Variants in SNTG2 observed in about 807,000 individuals in gnomAD.
The protein encoded by SNTG2 is gamma-2-syntrophin.
Under a neutral mutation model 70.9 loss-of-function variants are expected in SNTG2, and 74 were observed. That is an observed-to-expected ratio of 1.04 (90% CI 0.86 to 1.27). The LOEUF is 1.27. Ranked by LOEUF, SNTG2 falls within the 50% of genes most tolerant of loss-of-function variation. The pLI is 0.00. For synonymous variants in SNTG2, 278 were observed against 273.8 expected, an observed-to-expected ratio of 1.02 and a Z score of -0.15; for missense variants, 717 against 690.7, an observed-to-expected ratio of 1.04 and a Z score of -0.43.
intron 16 of SNTG2, among the ~76,000 whole-genome samples, chr2:1,338,659 A>T (rs988727555): frequency 1.3e-5 from 2 of 152,136 alleles, no homozygotes; most frequent in Non-Finnish European, 2.9e-5. Context: ...TTTTGCTTAG[A>T]GCTTAATGTC....
chr2:1,172,143 T>C (rs1671168140), intron 7 of SNTG2, among the ~76,000 whole-genome samples: 1 of 152,198 alleles, frequency 6.6e-6, no homozygotes, highest in South Asian at 2.1e-4. Flanking sequence ...GTTGTGATGA[T>C]TGATGGCTGG....
chr2:1,195,142 G>A (rs144497495), intron 8 of SNTG2, among the ~76,000 whole-genome samples: 113 of 152,262 alleles, frequency 7.4e-4, no homozygotes, highest in Middle Eastern at 6.8e-3. Context: ...GGGCATTTGG[G>A]TTGGTTCCAA....
intron 4 of SNTG2, among the ~76,000 whole-genome samples, chr2:1,111,446 A>T (rs1410255791): frequency 6.6e-6 from 1 of 152,180 alleles, no homozygotes; most frequent in Admixed American, 6.5e-5. Context: ...GCAGGTGTGC[A>T]GCAGAGAATC....
chr2:1,229,594 G>A (rs987630309), intron 9 of SNTG2, among the ~76,000 whole-genome samples: 5 of 152,236 alleles, frequency 3.3e-5, no homozygotes, highest in South Asian at 2.1e-4. Flanking sequence ...CGCGCCGTGC[G>A]CTCGCATTCC....
chr2:1,069,712 AC>A (rs1469397691), intron 1 of SNTG2, among the ~76,000 whole-genome samples: 1 of 152,086 alleles, frequency 6.6e-6, no homozygotes, highest in African/African-American at 2.4e-5. Context: ...AATCGCTTGA[AC>A]CCAGGAGGCA....
At chr2:1,017,557 A>G (rs1659942391) in intron 1 of SNTG2, among the ~76,000 whole-genome samples, 1 of 152,172 alleles carries the variant, frequency 6.6e-6, no homozygotes, top group African/African-American at 2.4e-5. Context: ...GGACACACAC[A>G]CACATACACA....
chr2:1,279,213 ACT>A (rs1679418498), intron 14 of SNTG2, among the ~76,000 whole-genome samples: 1 of 152,016 alleles, frequency 6.6e-6, no homozygotes, highest in Non-Finnish European at 1.5e-5. Context: ...GATCAGATTG[ACT>A]CTTACAGCGT....
At chr2:1,223,680 G>A (rs1675528785) in intron 9 of SNTG2, among the ~76,000 whole-genome samples, 1 of 152,254 alleles carries the variant, frequency 6.6e-6, no homozygotes, top group African/African-American at 2.4e-5. Context: ...AATCCCCAAA[G>A]AGGGAGGAGC....
intron 14 of SNTG2, among the ~76,000 whole-genome samples, chr2:1,297,941 G>T (rs193192338): frequency 1.2e-3 from 180 of 152,256 alleles, no homozygotes; most frequent in African/African-American, 4.1e-3. Context: ...GTGTTGGTCT[G>T]TATGAATCTA....
At chr2:1,185,701 A>G (rs770468913) in intron 8 of SNTG2, among the ~76,000 whole-genome samples, 1 of 152,156 alleles carries the variant, frequency 6.6e-6, no homozygotes, top group Non-Finnish European at 1.5e-5. Context: ...CAGTGTCCCA[A>G]GATTGCACAG....
At chr2:1,185,803 A>C (rs1380652613) in intron 8 of SNTG2, among the ~76,000 whole-genome samples, 1 of 152,208 alleles carries the variant, frequency 6.6e-6, no homozygotes, top group African/African-American at 2.4e-5. Context: ...AAGGTCCCTG[A>C]AATGTCTTCA....
rs1262250611 is a variant in SNTG2 at position 1,255,853 on chromosome 2, A to AATATAT, written c.1006-3513_1006-3508dup. On this transcript the variant is annotated intron_variant, in intron 12 of 16. Coordinates refer to ENST00000308624, the MANE Select transcript of SNTG2 (RefSeq NM_018968.4). ...ATATAAATATATATAAATATATATA[A>AATATAT]ATATATATAAATATATATAAATATA... Among the ~76,000 whole-genome samples the AATATAT allele has an allele frequency of 7.6e-5, 3 of 39,558 alleles. 1 individual carries two copies. In the South Asian group the frequency reaches 3.1e-3, roughly 40 times the overall value. 26.0% of individuals were successfully genotyped at this position (39,558 alleles called of 152,430 possible).
intron 9 of SNTG2, among the ~76,000 whole-genome samples, chr2:1,212,193 T>G (rs76355851): frequency 0.014 from 2,140 of 152,298 alleles, 45 homozygotes; most frequent in African/African-American, 0.049. Context: ...AAAATCTCCC[T>G]TGGTGCTGTG....
intron 1 of SNTG2, among the ~76,000 whole-genome samples, chr2:1,080,831 G>A (rs1664241160): frequency 2.0e-5 from 3 of 152,136 alleles, no homozygotes; most frequent in Admixed American, 2.0e-4. Flanking sequence ...CATGAGAAAG[G>A]TCTGGATGCT....
In SNTG2 at chr2:1,012,578, A is replaced by G. The variant is rs865993121; in HGVS notation, c.72+61510A>G. The stretch of plus-strand genomic sequence containing the variant: ...GGCAGAGAGAAGGGTGGTCTGGAGA[A>G]GGATTTATAAGGGCAGAGAGAAGGG... On this transcript the variant is annotated intron_variant, in intron 1 of 16. Coordinates refer to ENST00000308624, the MANE Select transcript of SNTG2 (RefSeq NM_018968.4). 1.6e-3 allele frequency among the ~76,000 whole-genome samples: 204 copies of G among 123,972 alleles called. 1 individual carries two copies. The highest frequency in any genetic ancestry group is 2.1e-3 in the Admixed American group (26 of 12,568). The allele number at this position is 123,972 out of a possible 152,430, so 81.3% of individuals were successfully genotyped here. A position where few individuals can be genotyped will look rare whatever the true frequency, so the allele number is the denominator to read the frequency against.
intron 9 of SNTG2, 47 bp from the exon 10 acceptor site, chr2:1,237,841 C>G: frequency 6.4e-7 from 1 of 1,557,744 alleles, no homozygotes. Flanking sequence ...GAGGCAGGCC[C>G]GCTCCCGTCG....
intron 14 of SNTG2, among the ~76,000 whole-genome samples, chr2:1,294,681 A>G (rs1332856486): frequency 6.6e-6 from 1 of 152,262 alleles, no homozygotes; most frequent in Non-Finnish European, 1.5e-5. Context: ...CCACATGGAC[A>G]CAAGCACTTT....
intron 9 of SNTG2, among the ~76,000 whole-genome samples, chr2:1,228,559 C>T (rs969688113): frequency 6.6e-6 from 1 of 152,188 alleles, no homozygotes; most frequent in South Asian, 2.1e-4. Context: ...ACTGCTGTGT[C>T]CCGGGCCCTG....
chr2:1,206,443 G>A (rs1472342837), intron 8 of SNTG2, among the ~76,000 whole-genome samples: 1 of 152,198 alleles, frequency 6.6e-6, no homozygotes, highest in Non-Finnish European at 1.5e-5. Context: ...GGAAGGAGCT[G>A]CAGAGGGGTA....
Sources: allele counts gnomAD v4.1 joint callset (sites outside exome capture counted in the v4.1 genomes callset), GRCh38; gene constraint gnomAD v4.1.1; transcripts MANE v1.5; gene names NCBI Gene and HGNC (gene_info 2026-07-23, HGNC 2026-07-21).